Variants in ARHGEF1 observed in about 807,000 individuals in gnomAD.
ARHGEF1 encodes Rho guanine nucleotide exchange factor 1.
ARHGEF1 carries 40 observed loss-of-function variants against 119.7 expected under a neutral mutation model. The observed-to-expected ratio is 0.33, with a 90% CI of 0.26 to 0.44. The LOEUF (loss-of-function observed/expected upper bound fraction) is 0.44, where lower values mean the gene tolerates loss of function less well. ARHGEF1 is among the 20% of genes least tolerant of loss of function. The pLI is 1.00. For synonymous variants in ARHGEF1, 494 were observed against 521.0 expected (o/e 0.95, Z 0.71); for missense variants, 976 against 1,268.3 (o/e 0.77, Z 3.50).
Position 41,906,644 on chromosome 19 carries a change from G to T in ARHGEF1, c.2655+24G>T, listed in dbSNP as rs781864567. 1.9e-6 allele frequency: 3 copies of T among 1,600,434 alleles called. No homozygotes were observed. Among genetic ancestry groups the T allele is most frequent in the Admixed American group, 1.8e-5 (1 of 55,550 alleles). On this transcript the variant is annotated intron_variant, in intron 27 of 28. Transcript: ENST00000354532. This position sits in a 1 kb window ranked among gnomAD's most constrained non-coding sequence, Gnocchi z 4.5. ...AGGTGGGGCGGGACGGGCCAGGGGT[G>T]CCCTGAGTGGGCTGGGGAAGGAAGG...
intron 13 of ARHGEF1, chr19:41,897,357 G>A (rs2074522929): frequency 5.7e-6 from 7 of 1,232,072 alleles, no homozygotes; most frequent in Non-Finnish European, 6.3e-6. Context: ...TGGGGGAAGG[G>A]CTAGCCCCTC....
In ARHGEF1 at chr19:41,914,647, CTTT is replaced by C. The variant is rs1568831957; in HGVS notation, c.1865+7845_1865+7847del. 1.5e-4 allele frequency among the ~76,000 whole-genome samples: 6 copies of C among 40,974 alleles called. 1 individual carries two copies. Among genetic ancestry groups the C allele is most frequent in the East Asian group, 9.0e-4 (1 of 1,106 alleles). 26.9% of individuals were successfully genotyped at this position (40,974 alleles called of 152,430 possible). ...CATCTCTGTCTCTGTCTCTCCCTCC[CTTT>C]CCACCATCTCTGTCTCTCCCTCCCC... is the stretch of plus-strand genomic sequence containing the variant. On this transcript the variant is annotated intron_variant, in intron 18 of 20. Transcript: ENST00000599589.
In ARHGEF1 at chr19:41,903,372, G is replaced by T. The variant is rs1555849459; in HGVS notation, c.1804G>T (p.Val602Phe). ...GTGCTGCCGGGAAATTCTACACCAC[G>T]TCAACCAAGCCGTGCGTGACATGGA... The part of the protein sequence containing the change: ...AECCREILHH[V>F]NQAVRDMEDL... The change falls in exon 19 of 29, where the codon GTC becomes TTC. Residue 602 changes from valine to phenylalanine, a missense_variant. By Grantham distance (50) the Val-to-Phe change is conservative (BLOSUM62 -1). Coordinates refer to ENST00000354532, the MANE Select transcript of ARHGEF1 (RefSeq NM_004706.4). The surrounding 1 kb of genome is among the most constrained non-coding windows in gnomAD (Gnocchi z 4.2). 6.2e-7 allele frequency: 1 copy of T among 1,613,932 alleles called. No homozygotes were observed. The highest frequency in any genetic ancestry group is 8.5e-7 in the Non-Finnish European group (1 of 1,180,038).
In ARHGEF1 at chr19:41,896,544, A is replaced by G. The variant is rs782763282; in HGVS notation, c.1121+62A>G. 9 of 1,318,714 alleles carry G rather than the reference A, an allele frequency of 6.8e-6. No individual in the cohort carries two copies. The Admixed American group carries it at 1.8e-4, about 26-fold the overall frequency. 81.7% of individuals were successfully genotyped at this position (1,318,714 alleles called of 1,614,324 possible). A position where few individuals can be genotyped will look rare whatever the true frequency, so the allele number is the denominator to read the frequency against. On this transcript the variant is annotated intron_variant, in intron 13 of 28. Coordinates refer to ENST00000354532, the MANE Select transcript of ARHGEF1 (RefSeq NM_004706.4). ...TTACTGGGCGCTGGTGGGTGGGTGC[A>G]GGGTCACCGCTGCCATCTGTGCCTG...
downstream of ARHGEF1, chr19:41,909,521 G>A (rs962962078): frequency 1.0e-4 from 128 of 1,222,570 alleles, no homozygotes; most frequent in Non-Finnish European, 1.1e-4. The surrounding 1 kb of genome is among the most constrained non-coding windows in gnomAD (Gnocchi z 5.2). Context: ...GCCCTGGGGC[G>A]GGATCTGGGG....
Position 41,905,087 on chromosome 19 carries a change from G to C in ARHGEF1, c.2249+51G>C. ...GTGGGTGGAGGACGCCCAGGTTTCT[G>C]GGTTCCCAGGGACAGGAGGGCTGTG... On this transcript the variant is annotated intron_variant, in intron 23 of 28. Transcript: ENST00000354532. This position sits in a 1 kb window ranked among gnomAD's most constrained non-coding sequence, Gnocchi z 6.4. 1 of 1,611,810 alleles carries C rather than the reference G, an allele frequency of 6.2e-7. No homozygotes were observed. The highest frequency in any genetic ancestry group is 1.7e-5 in the Admixed American group (1 of 60,002).
chr19:41,895,453 CCT>C lies in ARHGEF1; in HGVS notation c.985_986del (p.Leu329ValfsTer12). On this transcript the variant is annotated frameshift_variant, in exon 12 of 29. Coordinates refer to ENST00000354532, the MANE Select transcript of ARHGEF1 (RefSeq NM_004706.4). LOFTEE classifies it high-confidence loss of function. ...GQDTPGVSLH[P>X]LSLDSPDREP... ...GGACACCCCTGGAGTCTCTCTGCACCCTCTGTCCCTGGACAGCCCAGACCGGG... is the reference window on the plus strand; with the variant it reads ...GGACACCCCTGGAGTCTCTCTGCACCCTGTCCCTGGACAGCCCAGACCGGG... 1 of 1,611,718 alleles carries C rather than the reference CCT, an allele frequency of 6.2e-7. No individual in the cohort carries two copies. Among genetic ancestry groups the C allele is most frequent in the Non-Finnish European group, 8.5e-7 (1 of 1,179,402 alleles).
intron 13 of ARHGEF1, chr19:41,897,952 AG>A: frequency 7.7e-7 from 1 of 1,306,336 alleles, no homozygotes; most frequent in Non-Finnish European, 9.7e-7. Flanking sequence ...CCAGGCTATC[AG>A]GGCGTCTGGG....
At chr19:41,907,851 T>C (rs2074725656), downstream of ARHGEF1, 1 of 134,282 alleles carries the variant, frequency 7.4e-6, no homozygotes, top group South Asian at 2.8e-4. Flanking sequence ...GGGGGGCCTA[T>C]ATGGGGGGGG....
chr19:41,884,179 G>T (rs993615266), intron 1 of ARHGEF1, among the ~76,000 whole-genome samples: 1 of 152,066 alleles, frequency 6.6e-6, no homozygotes, highest in Non-Finnish European at 1.5e-5. Flanking sequence ...CTCCGGGCGC[G>T]GGGCGGGGCC....
In ARHGEF1 at chr19:41,917,473, A is replaced by T. The variant is rs543408000; in HGVS notation, c.1866-5619A>T. Among the ~76,000 whole-genome samples, 37 of 30,064 alleles carry T rather than the reference A, an allele frequency of 1.2e-3. No homozygotes were observed. The highest frequency in any genetic ancestry group is 2.1e-3 in the Non-Finnish European group (33 of 15,380). 19.7% of individuals were successfully genotyped at this position (30,064 alleles called of 152,430 possible). The stretch of plus-strand genomic sequence containing the variant: ...CCACCAGCCCCTTCATCCCTCACCC[A>T]GGCCCCCCCATCCCCACCTCCCCTT... On this transcript the variant is annotated intron_variant, in intron 18 of 20. Transcript: ENST00000599589. This position sits in a 1 kb window ranked among gnomAD's most constrained non-coding sequence, Gnocchi z 4.8.
Position 41,905,294 on chromosome 19 carries a change from A to C in ARHGEF1, c.2336+33A>C. 5 of 1,584,044 alleles carry C rather than the reference A, an allele frequency of 3.2e-6. No individual in the cohort carries two copies. The highest frequency in any genetic ancestry group is 4.3e-6 in the Non-Finnish European group (5 of 1,163,748). The stretch of plus-strand genomic sequence containing the variant: ...GGGCCATGGAGAGAGCTGGAGGTTC[A>C]GGGAGTGGGGCCGGAAGGCGGGGCA... On this transcript the variant is annotated intron_variant, in intron 24 of 28. Coordinates refer to ENST00000354532, the MANE Select transcript of ARHGEF1 (RefSeq NM_004706.4). This position sits in a 1 kb window ranked among gnomAD's most constrained non-coding sequence, Gnocchi z 6.4.
intron 18 of ARHGEF1, among the ~76,000 whole-genome samples, chr19:41,914,466 T>G (rs1231983549): frequency 1.3e-5 from 2 of 151,698 alleles, no homozygotes; most frequent in Non-Finnish European, 2.9e-5. Flanking sequence ...CCCCTGCTTC[T>G]TCTCCATCTG....
intron 18 of ARHGEF1, chr19:41,912,965 G>T (rs1457115179): frequency 3.5e-5 from 37 of 1,052,174 alleles, no homozygotes; most frequent in Admixed American, 4.3e-5. Context: ...ACGGGGACGG[G>T]GTGGGCAGGA....
chr19:41,929,050 C>G (rs1555853620), intron 2 of ARHGEF1: 2 of 368,036 alleles, frequency 5.4e-6, no homozygotes, highest in East Asian at 8.0e-5. Context: ...CACAGACACA[C>G]ACACACAGAC....
Position 41,905,668 on chromosome 19 carries a change from C to G in ARHGEF1, c.2337-92C>G. ...GACCTCTGTCTCTGTCTCCGGACCTCCCTGCCTCCCCACCTCCAGCTCTCT... is the reference window on the plus strand; with the variant it reads ...GACCTCTGTCTCTGTCTCCGGACCTGCCTGCCTCCCCACCTCCAGCTCTCT... On this transcript the variant is annotated intron_variant, in intron 24 of 28. Coordinates refer to ENST00000354532, the MANE Select transcript of ARHGEF1 (RefSeq NM_004706.4). The surrounding 1 kb of genome is among the most constrained non-coding windows in gnomAD (Gnocchi z 6.4). 7.2e-7 allele frequency: 1 copy of G among 1,379,416 alleles called. No individual in the cohort carries two copies. The highest frequency in any genetic ancestry group is 1.0e-6 in the Non-Finnish European group (1 of 985,090). The allele number at this position is 1,379,416 out of a possible 1,614,324, so 85.4% of individuals were successfully genotyped here. A position where few individuals can be genotyped will look rare whatever the true frequency, so the allele number is the denominator to read the frequency against.
At chr19:41,920,183 C>T (rs191991054), upstream of ARHGEF1, among the ~76,000 whole-genome samples, 2 of 129,232 alleles carry the variant, frequency 1.5e-5, no homozygotes, top group East Asian at 2.3e-4. Flanking sequence ...ATGACACGCT[C>T]ACAGACATGC....
At position 41,905,390 on chromosome 19, in the gene ARHGEF1, CAT is replaced by C. The variant is rs1456643363; in HGVS notation, c.2336+130_2336+131del. The C allele has an allele frequency of 3.7e-6, 3 of 807,712 alleles. No homozygotes were observed. Among genetic ancestry groups the C allele is most frequent in the East Asian group, 2.6e-5 (1 of 38,782 alleles). 50.0% of individuals were successfully genotyped at this position (807,712 alleles called of 1,614,324 possible). On this transcript the variant is annotated intron_variant, in intron 24 of 28. Transcript: ENST00000354532. This position sits in a 1 kb window ranked among gnomAD's most constrained non-coding sequence, Gnocchi z 6.4. ...ATGTGTGAATGCATGTGTGTGCATA[CAT>C]GTGTGTCTGTACGCAAGTATGTGAC...
At chr19:41,925,690 GA>G (rs2074867368) in intron 1 of ARHGEF1, among the ~76,000 whole-genome samples, 1 of 152,074 alleles carries the variant, frequency 6.6e-6, no homozygotes, top group Non-Finnish European at 1.5e-5. Flanking sequence ...TGAGTAACCC[GA>G]AATGACAAGT....
Sources: allele counts gnomAD v4.1 joint callset (sites outside exome capture counted in the v4.1 genomes callset), GRCh38; gene constraint gnomAD v4.1.1; non-coding constraint Gnocchi (gnomAD v3.1); transcripts MANE v1.5; gene names NCBI Gene and HGNC (gene_info 2026-07-23, HGNC 2026-07-21).